Variants in DLC1 observed in about 807,000 individuals in gnomAD.
DLC1 encodes the protein DLC1 Rho GTPase activating protein.
In DLC1, 54 loss-of-function variants were observed where a neutral mutation model predicts 140.3. That is an observed-to-expected ratio of 0.38 (90% CI 0.31 to 0.48). The LOEUF (loss-of-function observed/expected upper bound fraction) is 0.48. Among genes scored for constraint, DLC1 ranks in the 20% least tolerant of loss-of-function variants. DLC1 has a pLI of 0.96. For synonymous variants in DLC1, 986 were observed against 728.1 expected, an observed-to-expected ratio of 1.35 and a Z score of -5.70; for missense variants, 2,536 against 1,907.0, an observed-to-expected ratio of 1.33 and a Z score of -6.14.
At chr8:13,193,914 G>A (rs183190209) in intron 5 of DLC1, among the ~76,000 whole-genome samples, 5 of 152,186 alleles carry the variant, frequency 3.3e-5, no homozygotes, top group Admixed American at 2.0e-4. Flanking sequence ...AATATCTGAC[G>A]CCGCTAAAAA....
At chr8:13,123,238 A>C (rs1340591194) in intron 5 of DLC1, among the ~76,000 whole-genome samples, 1 of 152,028 alleles carries the variant, frequency 6.6e-6, no homozygotes, top group African/African-American at 2.4e-5. Flanking sequence ...ACAATGTCCC[A>C]CATGTCCTGG....
chr8:13,595,333 G>C (rs1225349095), intron 1 of DLC1, among the ~76,000 whole-genome samples: 1 of 151,998 alleles, frequency 6.6e-6, no homozygotes, highest in Non-Finnish European at 1.5e-5. Context: ...TCATGAAAAT[G>C]TGTGAACTGT....
intron 5 of DLC1, among the ~76,000 whole-genome samples, chr8:13,124,973 T>G (rs913529984): frequency 1.3e-5 from 2 of 152,040 alleles, no homozygotes; most frequent in African/African-American, 4.8e-5. Context: ...CAATTTGCCT[T>G]TCTTTTTTCC....
intron 5 of DLC1, among the ~76,000 whole-genome samples, chr8:13,269,888 T>G (rs538806164): frequency 1.7e-3 from 239 of 141,298 alleles, no homozygotes; most frequent in Middle Eastern, 7.2e-3. Context: ...AAACCCCGTC[T>G]CTACTAAAAA....
At chr8:13,157,629 T>C (rs1201011117) in intron 5 of DLC1, among the ~76,000 whole-genome samples, 3 of 152,182 alleles carry the variant, frequency 2.0e-5, no homozygotes, top group African/African-American at 7.2e-5. Context: ...AAAATAACTA[T>C]ATTGTCGGGG....
chr8:13,251,656 G>A (rs893480787), intron 5 of DLC1, among the ~76,000 whole-genome samples: 2 of 151,978 alleles, frequency 1.3e-5, no homozygotes, highest in Non-Finnish European at 2.9e-5. Context: ...ATTGAATCTT[G>A]TCAGCTGTGG....
intron 9 of DLC1, among the ~76,000 whole-genome samples, chr8:13,098,849 C>T (rs1231972234): frequency 6.6e-6 from 1 of 152,090 alleles, no homozygotes; most frequent in African/African-American, 2.4e-5. Flanking sequence ...CTCTTGGCCT[C>T]AAGTGATCCT....
chr8:13,406,661 C>T (rs1219977659), intron 2 of DLC1, among the ~76,000 whole-genome samples: 2 of 152,106 alleles, frequency 1.3e-5, no homozygotes, highest in Admixed American at 1.3e-4. Flanking sequence ...GTTTACTCTT[C>T]TCTGGATATG....
intron 1 of DLC1, among the ~76,000 whole-genome samples, chr8:13,601,150 T>A (rs1367232782): frequency 6.6e-6 from 1 of 151,742 alleles, no homozygotes; most frequent in Non-Finnish European, 1.5e-5. Context: ...AGTTCTAACA[T>A]AATACTCAGT....
chr8:13,398,967 T>C (rs1837172967), intron 3 of DLC1, among the ~76,000 whole-genome samples: 1 of 152,028 alleles, frequency 6.6e-6, no homozygotes, highest in Non-Finnish European at 1.5e-5. Flanking sequence ...TGCTAAGAGA[T>C]AAGTGCAAGT....
At chr8:13,505,803 A>G (rs145478766) in intron 1 of DLC1, among the ~76,000 whole-genome samples, 135 of 152,320 alleles carry the variant, frequency 8.9e-4, no homozygotes, top group African/African-American at 3.1e-3. Flanking sequence ...GAAATTTGGA[A>G]CAGGTATTCT....
In DLC1 at chr8:13,099,798, C is replaced by T. The variant is rs375096896; in HGVS notation, c.2539G>A (p.Gly847Ser). The part of the protein sequence containing the change: ...NWRTGSFHGP[G>S]HISLRRENSS... The stretch of plus-strand genomic sequence containing the variant: ...TTTTCCCTCCTGAGGCTGATGTGGC[C>T]AGGGCCGTGGAAGCTTCCCGTCCTC... The change falls in exon 9 of 18, where the codon GGC becomes AGC. Residue 847 changes from glycine (G) to serine (S), a missense_variant. By Grantham distance (56) the Gly-to-Ser change is moderately conservative (BLOSUM62 0). Coordinates refer to ENST00000276297, the MANE Select transcript of DLC1 (RefSeq NM_182643.3). 2 of 1,614,142 alleles carry T rather than the reference C, an allele frequency of 1.2e-6. No homozygotes were observed. Among genetic ancestry groups the T allele is most frequent in the African/African-American group, 2.7e-5 (2 of 75,032 alleles).
intron 5 of DLC1, among the ~76,000 whole-genome samples, chr8:13,250,817 A>G (rs747046981): frequency 3.5e-4 from 54 of 152,204 alleles, no homozygotes; most frequent in Non-Finnish European, 7.1e-4. Context: ...ACATCTTCCC[A>G]AACAAGCTTC....
rs374132698 is a variant in DLC1, at chr8:13,478,842, G to A, written c.1023+20207C>T. On this transcript the variant is annotated intron_variant, in intron 2 of 17. Coordinates refer to ENST00000276297, the MANE Select transcript of DLC1 (RefSeq NM_182643.3). ...ACTTTGCTCACTTTCTTCAATTCTC[G>A]TTCTCCTTTTTGTTCTTGAACCCAC... Among the ~76,000 whole-genome samples, 366 of 151,920 alleles carry A rather than the reference G, an allele frequency of 2.4e-3. 11 individuals are homozygous for A. In the South Asian group the frequency reaches 0.066, roughly 27 times the overall value.
intron 1 of DLC1, among the ~76,000 whole-genome samples, chr8:13,598,946 C>G (rs918886321): frequency 6.6e-6 from 1 of 151,430 alleles, no homozygotes; most frequent in Non-Finnish European, 1.5e-5. Context: ...ATGTAATATA[C>G]AATTTAAAAT....
intron 1 of DLC1, among the ~76,000 whole-genome samples, chr8:13,542,697 C>A (rs1035799800): frequency 6.6e-6 from 1 of 151,966 alleles, no homozygotes; most frequent in African/African-American, 2.4e-5. Flanking sequence ...AGTTTGTAGG[C>A]CTTACATAAT....
intron 1 of DLC1, among the ~76,000 whole-genome samples, chr8:13,565,671 C>T (rs1585280395): frequency 6.6e-6 from 1 of 151,890 alleles, no homozygotes; most frequent in African/African-American, 2.4e-5. Flanking sequence ...TGAATAATAC[C>T]CCCCAATCCC....
At chr8:13,227,484 T>A (rs1828850253) in intron 5 of DLC1, among the ~76,000 whole-genome samples, 1 of 152,150 alleles carries the variant, frequency 6.6e-6, no homozygotes, top group Admixed American at 6.5e-5. Context: ...AGTACATTAG[T>A]GGTAGGGCCG....
intron 2 of DLC1, among the ~76,000 whole-genome samples, chr8:13,452,090 T>C (rs553937942): frequency 4.2e-4 from 64 of 152,172 alleles, no homozygotes; most frequent in African/African-American, 1.4e-3. Context: ...ATTTGAGAGA[T>C]AGTCTTTTAA....
Sources: allele counts gnomAD v4.1 joint callset (sites outside exome capture counted in the v4.1 genomes callset), GRCh38; gene constraint gnomAD v4.1.1; transcripts MANE v1.5; gene names NCBI Gene and HGNC (gene_info 2026-07-23, HGNC 2026-07-21).